PPP2R2B: variants seen among roughly 807,000 people sequenced by gnomAD.
The protein encoded by PPP2R2B is serine/threonine-protein phosphatase 2A 55 kDa regulatory subunit B beta isoform.
In PPP2R2B, 5 loss-of-function variants were observed where a neutral mutation model predicts 46.0. The observed-to-expected ratio is 0.11, with a 90% CI of 0.06 to 0.23. PPP2R2B has a LOEUF of 0.23. PPP2R2B is among the 10% of genes least tolerant of loss of function. The pLI is 1.00. For synonymous variants in PPP2R2B, 215 were observed against 206.7 expected (o/e 1.04, Z -0.34); for missense variants, 367 against 575.0 (o/e 0.64, Z 3.70).
intron 1 of PPP2R2B, among the ~76,000 whole-genome samples, chr5:146,947,868 G>A (rs753736362): frequency 1.3e-5 from 2 of 151,506 alleles, no homozygotes; most frequent in Admixed American, 1.3e-4. Context: ...GAATGCCCTT[G>A]CGTTCTCTTC....
intron 2 of PPP2R2B, among the ~76,000 whole-genome samples, chr5:146,753,146 G>A (rs1753651856): frequency 6.6e-6 from 1 of 152,190 alleles, no homozygotes; most frequent in Non-Finnish European, 1.5e-5. Flanking sequence ...GCTGCTCCAT[G>A]ACAGAACTAG....
intron 2 of PPP2R2B, among the ~76,000 whole-genome samples, chr5:146,712,168 G>A (rs748049054): frequency 1.3e-5 from 2 of 152,132 alleles, no homozygotes; most frequent in African/African-American, 2.4e-5. Flanking sequence ...TTTTTCAAGG[G>A]TCTTAGCAAA....
chr5:146,970,254 C>A (rs915699786), intron 1 of PPP2R2B, among the ~76,000 whole-genome samples: 1 of 152,110 alleles, frequency 6.6e-6, no homozygotes, highest in Non-Finnish European at 1.5e-5. Flanking sequence ...GGCACCAGAA[C>A]CTACACCCTG....
chr5:147,042,772 G>T (rs1451910014), intron 1 of PPP2R2B, among the ~76,000 whole-genome samples: 2 of 152,120 alleles, frequency 1.3e-5, no homozygotes, highest in African/African-American at 4.8e-5. Context: ...AGTGATGGGA[G>T]GTGTGCTTTT....
intron 1 of PPP2R2B, among the ~76,000 whole-genome samples, chr5:147,011,677 C>T (rs1754740501): frequency 1.3e-5 from 2 of 150,284 alleles, no homozygotes; most frequent in African/African-American, 4.9e-5. Context: ...GGAATGCTTC[C>T]AGTTTTTGCC....
chr5:147,002,937 C>T (rs1342288290), intron 1 of PPP2R2B, among the ~76,000 whole-genome samples: 1 of 152,016 alleles, frequency 6.6e-6, no homozygotes, highest in Non-Finnish European at 1.5e-5. Flanking sequence ...GCCATTGGGA[C>T]CAATTTGACC....
chr5:146,638,119 C>A, intron 7 of PPP2R2B, 132 bp downstream of exon 7: 1 of 794,528 alleles, frequency 1.3e-6, no homozygotes, highest in South Asian at 2.8e-5. Context: ...AAATACGGAG[C>A]TGACTCCCAC....
At chr5:146,719,968 G>A (rs1212901435) in intron 2 of PPP2R2B, among the ~76,000 whole-genome samples, 1 of 152,016 alleles carries the variant, frequency 6.6e-6, no homozygotes, top group Non-Finnish European at 1.5e-5. Context: ...TGAATTTACT[G>A]CACCTCCTAA....
intron 2 of PPP2R2B, among the ~76,000 whole-genome samples, chr5:146,754,476 C>A (rs1052385367): frequency 6.6e-6 from 1 of 152,112 alleles, no homozygotes; most frequent in Non-Finnish European, 1.5e-5. Flanking sequence ...GTGCACTATG[C>A]CATATGTAGT....
intron 1 of PPP2R2B, among the ~76,000 whole-genome samples, chr5:147,041,911 T>C (rs1469266219): frequency 6.6e-6 from 1 of 152,110 alleles, no homozygotes. Flanking sequence ...TCCACCTGAA[T>C]TGACCCTCCC....
intron 7 of PPP2R2B, among the ~76,000 whole-genome samples, chr5:146,632,241 G>A (rs1056233306): frequency 3.3e-5 from 5 of 152,146 alleles, no homozygotes; most frequent in Admixed American, 1.3e-4. Flanking sequence ...ACTGATGGAA[G>A]GCAGTGTAAA....
chr5:146,715,465 G>A (rs1421113166), intron 2 of PPP2R2B, among the ~76,000 whole-genome samples: 2 of 152,088 alleles, frequency 1.3e-5, no homozygotes, highest in Non-Finnish European at 2.9e-5. Context: ...AGCCAGGCAC[G>A]GCGTTCGACC....
Position 146,878,165 on chromosome 5 carries a change from G to A in PPP2R2B, c.-94C>T, listed in dbSNP as rs761874521. Reference sequence around the variant, plus strand: ...CAGTCTCACAGGAGAGGGGGGCAGGGGAGCCAGTGGGACTGCACCATGGTC... The same window carrying A: ...CAGTCTCACAGGAGAGGGGGGCAGGAGAGCCAGTGGGACTGCACCATGGTC... On this transcript the variant is annotated 5_prime_UTR_variant, in exon 2 of 10. Coordinates refer to ENST00000394411, the MANE Select transcript of PPP2R2B (RefSeq NM_181675.4). The surrounding 1 kb of genome is among the most constrained non-coding windows in gnomAD (Gnocchi z 4.5). 2 of 1,602,330 alleles carry A rather than the reference G, an allele frequency of 1.2e-6. No individual in the cohort carries two copies. The highest frequency in any genetic ancestry group is 1.3e-5 in the African/African-American group (1 of 74,668).
chr5:146,707,506 G>A, intron 2 of PPP2R2B: 1 of 735,968 alleles, frequency 1.4e-6, no homozygotes, highest in East Asian at 2.6e-5. Context: ...AGGAGCTGAT[G>A]CAGACACCAG....
Position 146,647,333 on chromosome 5 carries a change from G to A in PPP2R2B, c.625+3214C>T, listed in dbSNP as rs572095727. Among the ~76,000 whole-genome samples, 7 of 140,614 alleles carry A rather than the reference G, an allele frequency of 5.0e-5. 1 individual carries two copies. The highest frequency in any genetic ancestry group is 4.2e-4 in the East Asian group (2 of 4,776). 92.2% of individuals were successfully genotyped at this position (140,614 alleles called of 152,430 possible). A position where few individuals can be genotyped will look rare whatever the true frequency, so the allele number is the denominator to read the frequency against. On this transcript the variant is annotated intron_variant, in intron 6 of 9. Transcript: ENST00000394411. ...TTCTTCTGTCTCCTTTGTGAATAAG[G>A]GGCATTGTGGAAATGAGACCTGCCT...
At chr5:146,967,541 A>G (rs976928192) in intron 1 of PPP2R2B, among the ~76,000 whole-genome samples, 2 of 152,290 alleles carry the variant, frequency 1.3e-5, no homozygotes, top group Non-Finnish European at 2.9e-5. Flanking sequence ...GAACCTAGGC[A>G]GGCAGTTTCC....
intron 1 of PPP2R2B, among the ~76,000 whole-genome samples, chr5:146,938,863 C>A (rs1764239080): frequency 6.7e-6 from 1 of 148,516 alleles, no homozygotes; most frequent in African/African-American, 2.5e-5. Context: ...TCACTGCAAC[C>A]TCCACCTCCC....
chr5:146,750,369 T>C (rs988761176), intron 2 of PPP2R2B, among the ~76,000 whole-genome samples: 8 of 152,238 alleles, frequency 5.3e-5, no homozygotes, highest in Non-Finnish European at 4.4e-5. Context: ...ACATTAAACC[T>C]ATATATCAAT....
chr5:147,042,060 C>T (rs893214746), intron 1 of PPP2R2B, among the ~76,000 whole-genome samples: 3 of 152,096 alleles, frequency 2.0e-5, no homozygotes, highest in South Asian at 2.1e-4. Context: ...GAGCTATATC[C>T]GCAGTTCCCA....
Sources: gnomAD v4.1 joint callset for allele counts (sites outside exome capture counted in the v4.1 genomes callset) on GRCh38, gnomAD v4.1.1 for gene constraint, Gnocchi (gnomAD v3.1) non-coding constraint, MANE v1.5 for transcripts, NCBI Gene and HGNC (gene_info 2026-07-23, HGNC 2026-07-21) for gene names.